The following CPQ variants were observed in gnomAD, a reference collection of about 807,000 sequenced individuals.
CPQ encodes carboxypeptidase Q, also known as Ser-Met dipeptidase.
Under a neutral mutation model 45.7 loss-of-function variants are expected in CPQ, and 37 were observed. That is an observed-to-expected ratio of 0.81 (90% confidence interval 0.62 to 1.07). CPQ has a LOEUF of 1.07. Ranked by LOEUF, CPQ falls within the 50% of genes least tolerant of loss-of-function variation. The probability of loss-of-function intolerance (pLI) is 0.00; values close to 1 mark genes in which losing one functional copy is unlikely to be tolerated. For synonymous variants in CPQ, 186 were observed against 205.8 expected (o/e 0.90, Z 0.82); for missense variants, 537 against 572.9 (o/e 0.94, Z 0.64).
At chr8:96,926,527 CTTCTTT>C (rs1403827297) in intron 4 of CPQ, among the ~76,000 whole-genome samples, 2 of 152,076 alleles carry the variant, frequency 1.3e-5, no homozygotes, top group Admixed American at 1.3e-4. Context: ...GTCCTCCTTT[CTTCTTT>C]TTCTTCTTCT....
At chr8:96,859,422 G>C (rs1409577653) in intron 3 of CPQ, among the ~76,000 whole-genome samples, 1 of 152,140 alleles carries the variant, frequency 6.6e-6, no homozygotes, top group African/African-American at 2.4e-5. Flanking sequence ...CACTGAAGCC[G>C]TACATGGTTT....
At chr8:96,877,669 A>C (rs1307421401) in intron 3 of CPQ, among the ~76,000 whole-genome samples, 2 of 152,224 alleles carry the variant, frequency 1.3e-5, no homozygotes, top group African/African-American at 4.8e-5. Flanking sequence ...TAAATCCTTT[A>C]TGTATACTAT....
At chr8:96,912,896 T>C (rs1812686419) in intron 4 of CPQ, among the ~76,000 whole-genome samples, 1 of 152,100 alleles carries the variant, frequency 6.6e-6, no homozygotes, top group African/African-American at 2.4e-5. Flanking sequence ...GGAAGAAAAA[T>C]GTTCTGCTGA....
intron 1 of CPQ, among the ~76,000 whole-genome samples, chr8:96,759,130 C>T (rs1344437100): frequency 1.3e-5 from 2 of 152,168 alleles, no homozygotes; most frequent in African/African-American, 4.8e-5. Context: ...TGCCACCTGT[C>T]TTGTCTCCTG....
chr8:97,016,693 G>GAAAGT (rs1018163481), intron 5 of CPQ, among the ~76,000 whole-genome samples: 2 of 152,180 alleles, frequency 1.3e-5, no homozygotes, highest in African/African-American at 4.8e-5. Flanking sequence ...CCTTCCCAGA[G>GAAAGT]AAAGTATTAT....
chr8:96,674,561 A>G (rs1216759129), intron 1 of CPQ, among the ~76,000 whole-genome samples: 1 of 152,178 alleles, frequency 6.6e-6, no homozygotes, highest in Non-Finnish European at 1.5e-5. Flanking sequence ...GTTTCTTTAG[A>G]TAAAGGTCTG....
intron 1 of CPQ, among the ~76,000 whole-genome samples, chr8:96,784,382 C>A (rs1810729286): frequency 7.1e-6 from 1 of 141,032 alleles, no homozygotes; most frequent in South Asian, 2.2e-4. Flanking sequence ...GATGAAGAAG[C>A]AATTATTGTT....
At chr8:96,713,358 G>A (rs113611070) in intron 1 of CPQ, among the ~76,000 whole-genome samples, 3,674 of 152,102 alleles carry the variant, frequency 0.024, 160 homozygotes, top group African/African-American at 0.083. Context: ...CCCCATTCCC[G>A]TTACCAATTT....
intron 4 of CPQ, among the ~76,000 whole-genome samples, chr8:96,956,535 T>C (rs1341715675): frequency 6.6e-6 from 1 of 152,152 alleles, no homozygotes; most frequent in Non-Finnish European, 1.5e-5. Context: ...CAATTCATTG[T>C]ATTGTAAATG....
At chr8:96,956,604 G>A (rs1435724276) in intron 4 of CPQ, among the ~76,000 whole-genome samples, 1 of 151,800 alleles carries the variant, frequency 6.6e-6, no homozygotes, top group East Asian at 1.9e-4. Flanking sequence ...CTTTTCCTTG[G>A]CTCTCATCAT....
At chr8:97,044,756 C>A (rs1810204439) in intron 6 of CPQ, among the ~76,000 whole-genome samples, 1 of 152,204 alleles carries the variant, frequency 6.6e-6, no homozygotes, top group South Asian at 2.1e-4. Context: ...CCACTCCCGA[C>A]CCTGTTTGCC....
At chr8:97,021,648 A>G (rs972550447) in intron 5 of CPQ, among the ~76,000 whole-genome samples, 1 of 152,194 alleles carries the variant, frequency 6.6e-6, no homozygotes, top group Non-Finnish European at 1.5e-5. Context: ...ACTTAGGAAT[A>G]TACCTAACCA....
rs143594936 is a variant in CPQ at position 96,905,296 on chromosome 8, T to A, written c.849+25291T>A. Among the ~76,000 whole-genome samples the A allele has an allele frequency of 3.0e-4, 45 of 152,196 alleles. 1 individual carries two copies. In the East Asian group the frequency reaches 6.2e-3, roughly 21 times the overall value. The stretch of plus-strand genomic sequence containing the variant: ...ATCCAATCACCTCCCACCAGGCCCT[T>A]CCTCTAACATGTGGGGATTACAGTT... On this transcript the variant is annotated intron_variant, in intron 4 of 7. Transcript: ENST00000220763.
chr8:97,019,225 A>G (rs1265285060), intron 5 of CPQ, among the ~76,000 whole-genome samples: 1 of 152,248 alleles, frequency 6.6e-6, no homozygotes, highest in Non-Finnish European at 1.5e-5. Flanking sequence ...AACCGCTAAA[A>G]GGAGCTCTAA....
intron 5 of CPQ, among the ~76,000 whole-genome samples, chr8:96,999,007 A>T (rs1382744072): frequency 2.0e-5 from 3 of 151,900 alleles, no homozygotes; most frequent in Admixed American, 6.6e-5. Flanking sequence ...TCTACTAGAC[A>T]TTTTTACAAG....
chr8:96,933,199 A>G (rs905770691), intron 4 of CPQ, among the ~76,000 whole-genome samples: 2 of 152,158 alleles, frequency 1.3e-5, no homozygotes, highest in African/African-American at 4.8e-5. Context: ...AGTAGCTTCA[A>G]TTTGGCTTTC....
At chr8:97,046,983 T>G (rs940536559) in intron 6 of CPQ, among the ~76,000 whole-genome samples, 5 of 151,902 alleles carry the variant, frequency 3.3e-5, no homozygotes, top group Admixed American at 2.6e-4. Context: ...TGCTAGAGAT[T>G]TTTGTTTTGA....
intron 4 of CPQ, among the ~76,000 whole-genome samples, chr8:96,954,794 T>C (rs1344450301): frequency 6.6e-6 from 1 of 152,020 alleles, no homozygotes; most frequent in Admixed American, 6.6e-5. Flanking sequence ...CCCCTTCCTG[T>C]GTCCAAGTGT....
At chr8:97,112,062 T>C (rs1000002926) in intron 7 of CPQ, among the ~76,000 whole-genome samples, 40 of 152,298 alleles carry the variant, frequency 2.6e-4, no homozygotes, top group Admixed American at 1.1e-3. Context: ...TTTCCAGCTT[T>C]GGTACTCCAC....
Sources: allele counts gnomAD v4.1 joint callset (sites outside exome capture counted in the v4.1 genomes callset), GRCh38; gene constraint gnomAD v4.1.1; transcripts MANE v1.5; gene names NCBI Gene and HGNC (gene_info 2026-07-23, HGNC 2026-07-21).